Variants in ESR1 observed in about 807,000 individuals in gnomAD.
ESR1 encodes estrogen receptor.
A neutral mutation model predicts 52.7 loss-of-function variants in ESR1; 12 were observed. The ratio of observed to expected loss-of-function variants is 0.23; its 90% CI spans 0.15 to 0.37. ESR1 has a LOEUF of 0.37. ESR1 is among the 10% of genes least tolerant of loss of function. The probability of loss-of-function intolerance (pLI) is 1.00; values close to 1 mark genes in which losing one functional copy is unlikely to be tolerated. For missense variants in ESR1, 584 were observed against 779.7 expected, an observed-to-expected ratio of 0.75 and a Z score of 2.99; for synonymous variants, 305 against 316.8, an observed-to-expected ratio of 0.96 and a Z score of 0.39.
intron 4 of ESR1, among the ~76,000 whole-genome samples, chr6:151,993,787 G>C (rs1218785006): frequency 6.6e-6 from 1 of 152,168 alleles, no homozygotes; most frequent in African/African-American, 2.4e-5. Context: ...TGAGTGTCTT[G>C]CCCAAGGCCA....
At chr6:151,774,159 G>T (rs1010375254) in intron 2 of ESR1, among the ~76,000 whole-genome samples, 3 of 152,134 alleles carry the variant, frequency 2.0e-5, no homozygotes, top group Non-Finnish European at 2.9e-5. Context: ...AATAAATTTG[G>T]ACTATAATAA....
At chr6:151,887,596 G>A (rs1794061004) in intron 3 of ESR1, among the ~76,000 whole-genome samples, 1 of 151,984 alleles carries the variant, frequency 6.6e-6, no homozygotes, top group African/African-American at 2.4e-5. Context: ...TAGAACCCTA[G>A]GGCTCCAAGG....
chr6:152,091,930 C>T (rs1435996169), intron 6 of ESR1, among the ~76,000 whole-genome samples: 1 of 152,216 alleles, frequency 6.6e-6, no homozygotes, highest in Non-Finnish European at 1.5e-5. Context: ...GTTGGTCTAA[C>T]TCAGCCCTGT....
At chr6:151,925,998 G>A (rs2032667928) in intron 3 of ESR1, among the ~76,000 whole-genome samples, 1 of 152,076 alleles carries the variant, frequency 6.6e-6, no homozygotes, top group African/African-American at 2.4e-5. Flanking sequence ...TTGTGTATAA[G>A]TTTTTCTTTT....
intron 2 of ESR1, among the ~76,000 whole-genome samples, chr6:151,851,814 C>T (rs143849299): frequency 5.9e-5 from 9 of 152,258 alleles, no homozygotes; most frequent in African/African-American, 1.9e-4. Flanking sequence ...AGGCGTGAGC[C>T]GCCGCACCCG....
At chr6:151,953,914 C>CTG (rs141284303) in intron 4 of ESR1, among the ~76,000 whole-genome samples, 22,732 of 152,052 alleles carry the variant, frequency 0.15, 1,861 homozygotes, top group Admixed American at 0.22. Flanking sequence ...GAGCTCTAAC[C>CTG]TGTAGATTTG....
intron 6 of ESR1, among the ~76,000 whole-genome samples, chr6:152,109,503 C>A (rs9397082): frequency 2.0e-4 from 27 of 137,848 alleles, no homozygotes; most frequent in South Asian, 1.4e-3. Context: ...CCGTCTCTAC[C>A]AAAAAAAAAA....
At chr6:151,896,910 A>T (rs879497286) in intron 3 of ESR1, among the ~76,000 whole-genome samples, 16 of 152,122 alleles carry the variant, frequency 1.1e-4, no homozygotes, top group African/African-American at 3.4e-4. Flanking sequence ...AAGAATTTTA[A>T]AATTTTCATC....
At chr6:151,844,363 T>A (rs1784784154) in intron 2 of ESR1, among the ~76,000 whole-genome samples, 1 of 152,198 alleles carries the variant, frequency 6.6e-6, no homozygotes, top group Admixed American at 6.5e-5. Context: ...GCATTTAATT[T>A]GGCAGTGAAA....
At chr6:151,710,307 A>G (rs1450551601) in intron 2 of ESR1, among the ~76,000 whole-genome samples, 1 of 152,040 alleles carries the variant, frequency 6.6e-6, no homozygotes, top group African/African-American at 2.4e-5. Flanking sequence ...TAGTCAGAAG[A>G]AAGATACGTG....
At chr6:151,783,449 C>T (rs375967550) in intron 2 of ESR1, among the ~76,000 whole-genome samples, 8 of 152,234 alleles carry the variant, frequency 5.3e-5, no homozygotes, top group South Asian at 2.1e-4. Flanking sequence ...CAGGTATAGA[C>T]GATAATTGAA....
intron 6 of ESR1, among the ~76,000 whole-genome samples, chr6:152,093,022 T>A: frequency 6.6e-6 from 1 of 152,184 alleles, no homozygotes; most frequent in East Asian, 1.9e-4. Flanking sequence ...CTCACGCCTA[T>A]CATCCCAGCA....
chr6:152,029,962 C>G (rs1248205702), intron 5 of ESR1, among the ~76,000 whole-genome samples: 1 of 152,168 alleles, frequency 6.6e-6, no homozygotes, highest in South Asian at 2.1e-4. Context: ...ACTCTACAAG[C>G]CAGAAGAGAG....
At chr6:151,934,944 T>C (rs1276815712) in intron 3 of ESR1, among the ~76,000 whole-genome samples, 5 of 152,214 alleles carry the variant, frequency 3.3e-5, no homozygotes, top group Non-Finnish European at 7.3e-5. Flanking sequence ...CACATTTATA[T>C]TGATTGACAG....
chr6:151,689,209 T>C (rs1778804468), upstream of ESR1, among the ~76,000 whole-genome samples: 1 of 146,326 alleles, frequency 6.8e-6, no homozygotes, highest in African/African-American at 2.5e-5. Flanking sequence ...CTAAAATAAT[T>C]GAAAGATTTA....
chr6:151,697,088 T>G (rs1779406149), intron 1 of ESR1, among the ~76,000 whole-genome samples: 1 of 152,194 alleles, frequency 6.6e-6, no homozygotes, highest in South Asian at 2.1e-4. Flanking sequence ...GAACTTTATC[T>G]TGTAGGCATT....
chr6:151,668,537 C>A (rs771085263), intron 1 of ESR1, among the ~76,000 whole-genome samples: 1 of 152,142 alleles, frequency 6.6e-6, no homozygotes, highest in African/African-American at 2.4e-5. Context: ...CCTGCCTTGG[C>A]CTCCTAAAGT....
intron 2 of ESR1, among the ~76,000 whole-genome samples, chr6:151,725,812 GAA>G: frequency 6.6e-6 from 1 of 152,280 alleles, no homozygotes; most frequent in African/African-American, 2.4e-5. Flanking sequence ...GATGAGTTGT[GAA>G]AAGTTAAATA....
chr6:151,732,686 T>C (rs150135780), intron 2 of ESR1, among the ~76,000 whole-genome samples: 1 of 152,252 alleles, frequency 6.6e-6, no homozygotes, highest in African/African-American at 2.4e-5. Context: ...TTAACTTCTA[T>C]GATAAAAACG....
Sources: allele counts gnomAD v4.1 joint callset (sites outside exome capture counted in the v4.1 genomes callset), GRCh38; gene constraint gnomAD v4.1.1; transcripts MANE v1.5; gene names NCBI Gene and HGNC (gene_info 2026-07-23, HGNC 2026-07-21).